Variants in DGKH observed in about 807,000 individuals in gnomAD.
DGKH encodes the protein diacylglycerol kinase eta, also known as DAG kinase eta.
Under a neutral mutation model 159.3 loss-of-function variants are expected in DGKH, and 90 were observed. That is an observed-to-expected ratio of 0.57 (90% CI 0.48 to 0.67). DGKH has a LOEUF of 0.67. Among genes scored for constraint, DGKH ranks in the 30% least tolerant of loss-of-function variants. The pLI, the probability that DGKH is intolerant of heterozygous loss-of-function variation, is 0.00. For missense variants in DGKH, 1,181 were observed against 1,506.1 expected (o/e 0.78, Z 3.57); for synonymous variants, 536 against 553.8 (o/e 0.97, Z 0.45).
At chr13:42,228,038 A>G (rs1380496917) in intron 29 of DGKH, among the ~76,000 whole-genome samples, 2 of 152,166 alleles carry the variant, frequency 1.3e-5, no homozygotes, top group African/African-American at 4.8e-5. Context: ...ACATATTAGC[A>G]AACTGACTAT....
intron 1 of DGKH, among the ~76,000 whole-genome samples, chr13:42,057,514 G>A (rs1179467733): frequency 6.6e-6 from 1 of 152,184 alleles, no homozygotes; most frequent in African/African-American, 2.4e-5. Flanking sequence ...TGTAGTTTGT[G>A]AAGCACAGTG....
At chr13:42,137,090 T>A (rs1955416895) in intron 3 of DGKH, among the ~76,000 whole-genome samples, 6 of 152,204 alleles carry the variant, frequency 3.9e-5, no homozygotes, top group Admixed American at 3.9e-4. Context: ...GCTTTTCCCT[T>A]AGCTTCCTCT....
upstream of DGKH, among the ~76,000 whole-genome samples, chr13:42,046,023 AG>A (rs1398641597): frequency 6.6e-6 from 1 of 152,208 alleles, no homozygotes; most frequent in Non-Finnish European, 1.5e-5. Flanking sequence ...AACCTAATTT[AG>A]GGGTAGCTAC....
At chr13:42,196,967 A>G (rs1221160909) in intron 17 of DGKH, among the ~76,000 whole-genome samples, 1 of 152,146 alleles carries the variant, frequency 6.6e-6, no homozygotes, top group Non-Finnish European at 1.5e-5. Context: ...AGAAAATATT[A>G]ACATGGCTGG....
intron 3 of DGKH, among the ~76,000 whole-genome samples, chr13:42,134,267 G>A (rs2137859702): frequency 6.6e-6 from 1 of 152,254 alleles, no homozygotes; most frequent in East Asian, 1.9e-4. Context: ...AGTCACTAAG[G>A]CCAGCCAGGC....
chr13:42,110,587 A>AATTCATTCATTCATTCATTCAT (rs1555262057), intron 1 of DGKH, among the ~76,000 whole-genome samples: 1 of 150,880 alleles, frequency 6.6e-6, no homozygotes, highest in South Asian at 2.1e-4. Flanking sequence ...TTGAAGGATA[A>AATTCATTCATTCATTCATTCAT]TCATTCATTC....
intron 1 of DGKH, among the ~76,000 whole-genome samples, chr13:42,049,471 C>T (rs1881101448): frequency 6.6e-6 from 1 of 152,260 alleles, no homozygotes; most frequent in Non-Finnish European, 1.5e-5. Context: ...CTGCTGCTTT[C>T]CCACTTAGGC....
rs1955242969 is a variant in DGKH, at chr13:42,129,467, C to T, written c.304-85C>T. 1.9e-5 allele frequency: 22 copies of T among 1,142,524 alleles called. No homozygotes were observed. The South Asian group carries it at 2.5e-4, about 13-fold the overall frequency. The allele number at this position is 1,142,524 out of a possible 1,614,324, so 70.8% of individuals were successfully genotyped here. A position where few individuals can be genotyped will look rare whatever the true frequency, so the allele number is the denominator to read the frequency against. ...AACTTTTTTCCCCCATTTTCTATTC[C>T]TAATTCCTGTATTGAAAAAATGTAT... On this transcript the variant is annotated intron_variant, in intron 2 of 29. Coordinates refer to ENST00000337343, the MANE Select transcript of DGKH (RefSeq NM_178009.5).
Position 42,168,684 on chromosome 13 carries a change from G to C in DGKH, c.1233G>C (p.Gln411His). The change falls in exon 11 of 30, where the codon CAG (glutamine) becomes CAC (histidine). Residue 411 changes from glutamine (Q) to histidine (H), a missense_variant. Coordinates refer to ENST00000337343, the MANE Select transcript of DGKH (RefSeq NM_178009.5). The part of the protein sequence containing the change: ...IDKLNLNKQC[Q>H]LGVLPLGTGN... ...CCTGTTGCACTGTCTTTCAGTGTCA[G>C]CTGGGAGTGTTGCCTTTGGGTACAG... is the stretch of plus-strand genomic sequence containing the variant. 6.2e-7 allele frequency: 1 copy of C among 1,614,164 alleles called. No homozygotes were observed. The highest frequency in any genetic ancestry group is 8.5e-7 in the Non-Finnish European group (1 of 1,180,008).
chr13:42,244,931 A>AAAAAAAAC (rs1958569120), downstream of DGKH, among the ~76,000 whole-genome samples: 1 of 147,068 alleles, frequency 6.8e-6, no homozygotes, highest in Non-Finnish European at 1.5e-5. Flanking sequence ...AAAAAAAAAA[A>AAAAAAAAC]AAAGAACAAC....
At chr13:42,141,801 T>G (rs1955569718) in intron 3 of DGKH, among the ~76,000 whole-genome samples, 1 of 152,102 alleles carries the variant, frequency 6.6e-6, no homozygotes, top group Non-Finnish European at 1.5e-5. Flanking sequence ...GGATACCCTT[T>G]GTCAGATGAG....
chr13:42,099,664 C>T (rs919838377), intron 1 of DGKH, among the ~76,000 whole-genome samples: 1 of 152,252 alleles, frequency 6.6e-6, no homozygotes. Flanking sequence ...GTGCCAACTA[C>T]GAGCTAGGCA....
intron 1 of DGKH, chr13:42,070,720 A>T: frequency 6.2e-7 from 1 of 1,609,148 alleles, no homozygotes. Context: ...ATGCTCTTCC[A>T]GTAAAGGGCC....
chr13:42,207,096 T>TCTTG lies in DGKH; in HGVS notation c.2601+953_2601+954insGCTT, dbSNP rs1300449456. ...TTCTTTCTTTCTTTCTTTCTTTCTT[T>TCTTG]CTTTCTTTCTTTCTTTCTCTTTCTC... On this transcript the variant is annotated intron_variant, in intron 21 of 29. Transcript: ENST00000337343. 7.7e-4 allele frequency among the ~76,000 whole-genome samples: 107 copies of TCTTG among 139,064 alleles called. 5 individuals carry two copies. Among genetic ancestry groups the TCTTG allele is most frequent in the African/African-American group, 2.3e-3 (85 of 36,456 alleles). The allele number at this position is 139,064 out of a possible 152,430, so 91.2% of individuals were successfully genotyped here.
chr13:42,141,974 C>A (rs1273820061), intron 3 of DGKH, among the ~76,000 whole-genome samples: 1 of 151,310 alleles, frequency 6.6e-6, no homozygotes, highest in African/African-American at 2.4e-5. Flanking sequence ...CTTGCCCATG[C>A]CTATGTCCTG....
At chr13:42,211,970 A>G (rs1957668838) in intron 24 of DGKH, among the ~76,000 whole-genome samples, 1 of 152,172 alleles carries the variant, frequency 6.6e-6, no homozygotes, top group Non-Finnish European at 1.5e-5. Context: ...TATGGGAGCT[A>G]CAATTCAAGA....
intron 29 of DGKH, among the ~76,000 whole-genome samples, chr13:42,227,481 T>C (rs1249091893): frequency 6.6e-6 from 1 of 152,194 alleles, no homozygotes; most frequent in Non-Finnish European, 1.5e-5. Flanking sequence ...AGTGTAAAGA[T>C]ATTTAAATAT....
intron 1 of DGKH, among the ~76,000 whole-genome samples, chr13:42,081,869 C>T (rs1189298717): frequency 2.0e-5 from 3 of 152,198 alleles, no homozygotes; most frequent in East Asian, 3.9e-4. Flanking sequence ...TAGGTGTGCT[C>T]ATTGGTATTG....
chr13:42,220,896 C>T (rs1235272043), intron 28 of DGKH, among the ~76,000 whole-genome samples: 2 of 152,134 alleles, frequency 1.3e-5, no homozygotes, highest in South Asian at 2.1e-4. Flanking sequence ...CAGTCTATAG[C>T]CGTTTTCATA....
Sources: allele counts gnomAD v4.1 joint callset (sites outside exome capture counted in the v4.1 genomes callset), GRCh38; gene constraint gnomAD v4.1.1; transcripts MANE v1.5; gene names NCBI Gene and HGNC (gene_info 2026-07-23, HGNC 2026-07-21).